The following TNNT3 variants were observed in gnomAD, a reference collection of about 807,000 sequenced individuals.
TNNT3 encodes troponin T, fast skeletal muscle.
A neutral mutation model predicts 54.2 loss-of-function variants in TNNT3; 36 were observed. That is an observed-to-expected ratio of 0.66 (90% CI 0.51 to 0.88). The LOEUF is 0.88. Ranked by LOEUF, TNNT3 falls within the 40% of genes least tolerant of loss-of-function variation. TNNT3 has a pLI of 0.00. For synonymous variants in TNNT3, 120 were observed against 109.7 expected (o/e 1.09, Z -0.59); for missense variants, 291 against 331.6 (o/e 0.88, Z 0.95).
At chr11:1,935,444 T>C in intron 14 of TNNT3, 1 of 233,562 alleles carries the variant, frequency 4.3e-6, no homozygotes, top group South Asian at 6.4e-5. Context: ...AAAAGGGGCC[T>C]GGGACTGTGC....
At chr11:1,927,482 C>A (rs938940561) in intron 6 of TNNT3, among the ~76,000 whole-genome samples, 2 of 152,286 alleles carry the variant, frequency 1.3e-5, no homozygotes, top group South Asian at 2.1e-4. Context: ...CGGGCCTGAG[C>A]TCTTGCGTGA....
intron 1 of TNNT3, among the ~76,000 whole-genome samples, chr11:1,920,388 G>C (rs969809086): frequency 3.3e-5 from 5 of 152,158 alleles, no homozygotes; most frequent in Non-Finnish European, 7.4e-5. Flanking sequence ...CTGGACTGGG[G>C]CAGGACGGGG....
At chr11:1,920,986 G>A (rs1040719171) in intron 1 of TNNT3, among the ~76,000 whole-genome samples, 5 of 152,130 alleles carry the variant, frequency 3.3e-5, no homozygotes, top group African/African-American at 9.7e-5. Flanking sequence ...AGCGCACGTC[G>A]GGGGGCCTGG....
At position 1,934,323 on chromosome 11, in the gene TNNT3, T is replaced by C. The variant is rs76471485; in HGVS notation, c.367-9T>C. 16,520 of 1,610,516 alleles carry C rather than the reference T, an allele frequency of 0.01. 102 individuals carry two copies. Among genetic ancestry groups the C allele is most frequent in the Non-Finnish European group, 0.011 (13,167 of 1,177,396 alleles). On this transcript the variant is annotated splice_polypyrimidine_tract_variant and intron_variant, in intron 11 of 15. Transcript: ENST00000278317. The stretch of plus-strand genomic sequence containing the variant: ...ATCCCTGAGCATCTTGGGAATGGGG[T>C]CTCCACAGGAGGAAAAGGCCAGAAG...
Position 1,929,703 on chromosome 11 carries a change from A to G in TNNT3, c.107-107A>G. On this transcript the variant is annotated intron_variant, in intron 7 of 15. Transcript: ENST00000278317. ...CCAGCTGAAAAGGACGGTGGCCTTC[A>G]GTGAAGGGGAACCCAGGGCCGCAGG... The G allele has an allele frequency of 4.7e-6, 6 of 1,268,180 alleles. 1 individual carries two copies. The South Asian group carries it at 6.4e-5, about 13-fold the overall frequency. The allele number at this position is 1,268,180 out of a possible 1,614,324, so 78.6% of individuals were successfully genotyped here. A position where few individuals can be genotyped will look rare whatever the true frequency, so the allele number is the denominator to read the frequency against.
At chr11:1,937,234 G>C (rs1590020668) in intron 15 of TNNT3, among the ~76,000 whole-genome samples, 1 of 152,194 alleles carries the variant, frequency 6.6e-6, no homozygotes, top group East Asian at 1.9e-4. Flanking sequence ...GTCAGGAGGA[G>C]GGATCCCAAT....
chr11:1,934,812 C>T lies in TNNT3; in HGVS notation c.591-17C>T, dbSNP rs370577406. 6.2e-7 allele frequency: 1 copy of T among 1,612,382 alleles called. No individual in the cohort carries two copies. The highest frequency in any genetic ancestry group is 8.5e-7 in the Non-Finnish European group (1 of 1,179,390). On this transcript the variant is annotated splice_polypyrimidine_tract_variant and intron_variant, in intron 13 of 15. Coordinates refer to ENST00000278317, the MANE Select transcript of TNNT3 (RefSeq NM_006757.4). Reference sequence around the variant, plus strand: ...TGGGGCTTATTCAACGAAGCCTCACCACTTCCTCTGCCCCAGGGACAAGGC... The same window carrying T: ...TGGGGCTTATTCAACGAAGCCTCACTACTTCCTCTGCCCCAGGGACAAGGC...
At chr11:1,931,451 GC>G (rs1170779865) in intron 8 of TNNT3, among the ~76,000 whole-genome samples, 1 of 152,248 alleles carries the variant, frequency 6.6e-6, no homozygotes, top group Admixed American at 6.5e-5. Context: ...ACAGGAACGT[GC>G]TTTTACATTG....
At chr11:1,923,452 C>T in intron 3 of TNNT3, 103 bp from the exon 4 acceptor site, 1 of 1,309,934 alleles carries the variant, frequency 7.6e-7, no homozygotes, top group East Asian at 2.3e-5. Context: ...GGGGCAGTCG[C>T]TGGCCTGTCC....
At chr11:1,937,748 T>G (rs1011004887) in intron 15 of TNNT3, among the ~76,000 whole-genome samples, 7 of 152,168 alleles carry the variant, frequency 4.6e-5, no homozygotes, top group Non-Finnish European at 8.8e-5. Context: ...TCCTCCGTGG[T>G]GCACGTGACC....
intron 14 of TNNT3, among the ~76,000 whole-genome samples, chr11:1,936,445 G>T (rs1450045724): frequency 6.6e-6 from 1 of 152,202 alleles, no homozygotes. Context: ...CTGTTGGCAA[G>T]CGAGGAAGGG....
chr11:1,925,154 C>T (rs1273355158), intron 5 of TNNT3, 38 bp downstream of exon 5: 1 of 1,605,644 alleles, frequency 6.2e-7, no homozygotes, highest in East Asian at 2.2e-5. Context: ...CATGCCCACT[C>T]CCCAGCCTTC....
intron 4 of TNNT3, among the ~76,000 whole-genome samples, chr11:1,924,553 A>C (rs1191559835): frequency 6.6e-6 from 1 of 151,986 alleles, no homozygotes; most frequent in Non-Finnish European, 1.5e-5. Flanking sequence ...AGGTGGAAAG[A>C]CTCATTTCTG....
At chr11:1,938,337 A>G in intron 15 of TNNT3, 101 bp from the exon 16 acceptor site, 1 of 1,323,362 alleles carries the variant, frequency 7.6e-7, no homozygotes, top group Non-Finnish European at 1.1e-6. Flanking sequence ...GTGCCCTGAG[A>G]GCAGCCTGGG....
rs767297006 is a variant in TNNT3, at chr11:1,934,608, G to C, written c.543G>C (p.Glu181Asp). Residue 181 changes from glutamate to aspartate, a missense_variant, in exon 13 of 16, where the codon GAG becomes GAC. Transcript: ENST00000278317. ...AREMKKKILA[E>D]RRKPLNIDHL... ...AAATGAAGAAGAAGATTCTGGCTGAGAGACGCAAGCCGCTCAACATCGATC... is the reference window on the plus strand; with the variant it reads ...AAATGAAGAAGAAGATTCTGGCTGACAGACGCAAGCCGCTCAACATCGATC... The C allele has an allele frequency of 1.9e-6, 3 of 1,609,566 alleles. No homozygotes were observed. The East Asian group carries it at 6.7e-5, about 36-fold the overall frequency.
intron 1 of TNNT3, chr11:1,921,294 G>C (rs545013032): frequency 6.6e-6 from 1 of 152,358 alleles, no homozygotes; most frequent in Admixed American, 6.5e-5. Context: ...CGCCAGCGTC[G>C]GGCTGGGCAC....
At chr11:1,924,368 G>A (rs2133266910) in intron 4 of TNNT3, among the ~76,000 whole-genome samples, 1 of 152,338 alleles carries the variant, frequency 6.6e-6, no homozygotes, top group Admixed American at 6.5e-5. Context: ...GCGGTTCTCA[G>A]GCCGACGGCG....
chr11:1,925,432 C>A lies in TNNT3; in HGVS notation c.67+316C>A, dbSNP rs1041370188. 5 of 794,990 alleles carry A rather than the reference C, an allele frequency of 6.3e-6. No individual in the cohort carries two copies. In the East Asian group the frequency reaches 1.3e-4, roughly 21 times the overall value. 49.2% of individuals were successfully genotyped at this position (794,990 alleles called of 1,614,324 possible). A position where few individuals can be genotyped will look rare whatever the true frequency, so the allele number is the denominator to read the frequency against. ...TGGCCCTAATGTAACCCACTAACCG[C>A]GGCCAATGCTTGACCAGAGAGAGAA... On this transcript the variant is annotated intron_variant, in intron 5 of 15. Coordinates refer to ENST00000278317, the MANE Select transcript of TNNT3 (RefSeq NM_006757.4).
intron 1 of TNNT3, among the ~76,000 whole-genome samples, chr11:1,920,193 C>T (rs1251820575): frequency 6.6e-6 from 1 of 152,194 alleles, no homozygotes; most frequent in African/African-American, 2.4e-5. Flanking sequence ...CCAGGCCCGT[C>T]CTGGCCTTGC....
Sources: gnomAD v4.1 joint callset for allele counts (sites outside exome capture counted in the v4.1 genomes callset) on GRCh38, gnomAD v4.1.1 for gene constraint, MANE v1.5 for transcripts, NCBI Gene and HGNC (gene_info 2026-07-23, HGNC 2026-07-21) for gene names.